The following LPP variants were observed in gnomAD, a reference collection of about 807,000 sequenced individuals.
The protein encoded by LPP is lipoma-preferred partner.
In LPP, 38 loss-of-function variants were observed where a neutral mutation model predicts 60.4. The ratio of observed to expected loss-of-function variants is 0.63; its 90% CI spans 0.49 to 0.83. The LOEUF is 0.83. Among genes scored for constraint, LPP ranks in the 40% least tolerant of loss-of-function variants. LPP has a pLI of 0.00. For missense variants in LPP, 902 were observed against 783.6 expected (o/e 1.15, Z -1.80); for synonymous variants, 328 against 290.8 (o/e 1.13, Z -1.30).
intron 9 of LPP, among the ~76,000 whole-genome samples, chr3:188,775,882 T>C (rs141939730): frequency 6.6e-6 from 1 of 152,368 alleles, no homozygotes; most frequent in East Asian, 1.9e-4. Flanking sequence ...TCTGAGTTCC[T>C]ATAAAGGGGA....
intron 9 of LPP, among the ~76,000 whole-genome samples, chr3:188,828,633 A>AAAAC (rs905010533): frequency 6.8e-6 from 1 of 147,976 alleles, no homozygotes; most frequent in Non-Finnish European, 1.5e-5. Flanking sequence ...AAAAAAAAAA[A>AAAAC]AAAAAAACTC....
chr3:188,798,164 T>C (rs894748582), intron 9 of LPP, among the ~76,000 whole-genome samples: 1 of 152,174 alleles, frequency 6.6e-6, no homozygotes, highest in African/African-American at 2.4e-5. Flanking sequence ...AATTTAATAG[T>C]GAATACTTAC....
At chr3:188,715,312 A>G (rs1228853655) in intron 8 of LPP, among the ~76,000 whole-genome samples, 1 of 127,722 alleles carries the variant, frequency 7.8e-6, no homozygotes, top group Non-Finnish European at 1.6e-5. Flanking sequence ...CAGGAGGCGG[A>G]GGTTACAGTG....
chr3:188,482,078 A>G (rs75271952), intron 4 of LPP, among the ~76,000 whole-genome samples: 16,302 of 152,028 alleles, frequency 0.11, 1,059 homozygotes, highest in South Asian at 0.14. Flanking sequence ...TGATGGTTTA[A>G]ACTTATATGG....
chr3:188,364,978 A>C (rs957375707), intron 3 of LPP, among the ~76,000 whole-genome samples: 1 of 152,228 alleles, frequency 6.6e-6, no homozygotes, highest in Non-Finnish European at 1.5e-5. Context: ...TAGGAATGAC[A>C]GAGGCAGCAA....
chr3:188,357,869 C>T (rs1340434545), intron 3 of LPP, among the ~76,000 whole-genome samples: 6 of 152,184 alleles, frequency 3.9e-5, no homozygotes, highest in African/African-American at 1.4e-4. Context: ...CCTCCTTTTA[C>T]TCCTTGCTAG....
chr3:188,738,007 T>C (rs1723112023), intron 8 of LPP, among the ~76,000 whole-genome samples: 1 of 152,218 alleles, frequency 6.6e-6, no homozygotes. Flanking sequence ...TTGGTTGTTA[T>C]AGCCATCTTC....
chr3:188,313,404 C>T (rs1169298740), intron 2 of LPP, among the ~76,000 whole-genome samples: 1 of 152,070 alleles, frequency 6.6e-6, no homozygotes, highest in African/African-American at 2.4e-5. Context: ...CTTCGGGTGG[C>T]TGAGGTGGGC....
chr3:188,198,108 C>G (rs529112976), intron 1 of LPP, among the ~76,000 whole-genome samples: 2 of 152,320 alleles, frequency 1.3e-5, no homozygotes, highest in African/African-American at 2.4e-5. Context: ...AGTCACTGTT[C>G]TAGCTGCTTT....
At chr3:188,595,461 G>C (rs1156530242) in intron 6 of LPP, among the ~76,000 whole-genome samples, 1 of 152,118 alleles carries the variant, frequency 6.6e-6, no homozygotes, top group African/African-American at 2.4e-5. Context: ...CCTTGATCTT[G>C]GGCTAGCCAC....
chr3:188,307,364 C>T (rs1180078030), intron 2 of LPP, among the ~76,000 whole-genome samples: 1 of 152,162 alleles, frequency 6.6e-6, no homozygotes, highest in East Asian at 1.9e-4. Flanking sequence ...CCCCCAAGCT[C>T]ATTAAATCAG....
intron 6 of LPP, among the ~76,000 whole-genome samples, chr3:188,526,006 G>C (rs1820481930): frequency 6.6e-6 from 1 of 152,140 alleles, no homozygotes; most frequent in South Asian, 2.1e-4. Flanking sequence ...GTCTTGAAAG[G>C]GTTGTGGCAA....
At chr3:188,209,273 G>C (rs975434919) in intron 1 of LPP, among the ~76,000 whole-genome samples, 1 of 152,032 alleles carries the variant, frequency 6.6e-6, no homozygotes, top group African/African-American at 2.4e-5. Context: ...CTACCTCCTG[G>C]GATAGTTGTT....
intron 1 of LPP, among the ~76,000 whole-genome samples, chr3:188,170,413 CT>C: frequency 6.7e-6 from 1 of 149,504 alleles, no homozygotes; most frequent in East Asian, 2.0e-4. Context: ...TGACTGCAAC[CT>C]CCGCCTCCCA....
intron 2 of LPP, among the ~76,000 whole-genome samples, chr3:188,239,690 G>C (rs2149433713): frequency 6.6e-6 from 1 of 152,276 alleles, no homozygotes; most frequent in East Asian, 1.9e-4. Flanking sequence ...AAAGCCATTG[G>C]CAGGTGGTGT....
chr3:188,685,983 C>T (rs1416548783), intron 7 of LPP, among the ~76,000 whole-genome samples: 1 of 152,154 alleles, frequency 6.6e-6, no homozygotes, highest in Non-Finnish European at 1.5e-5. Context: ...AGGCGCTTCC[C>T]TGGCCTAATG....
Position 188,262,965 on chromosome 3 carries a change from G to C in LPP, c.-67+37438G>C, listed in dbSNP as rs1245102232. Among the ~76,000 whole-genome samples, 3 of 152,132 alleles carry C rather than the reference G, an allele frequency of 2.0e-5. No homozygotes were observed. The South Asian group carries it at 6.2e-4, about 32-fold the overall frequency. ...GGCAGAGGGAGAAAAGGAAAAATACGTCAGCTCCAAAGAGTGCAGTTTTTT... is the reference window on the plus strand; with the variant it reads ...GGCAGAGGGAGAAAAGGAAAAATACCTCAGCTCCAAAGAGTGCAGTTTTTT... On this transcript the variant is annotated intron_variant, in intron 2 of 11. Transcript: ENST00000617246.
chr3:188,724,393 T>C (rs1327196606), intron 8 of LPP, among the ~76,000 whole-genome samples: 1 of 152,230 alleles, frequency 6.6e-6, no homozygotes, highest in African/African-American at 2.4e-5. Context: ...ATTCTGTTTT[T>C]TCCTCTACTT....
At chr3:188,700,902 C>CA (rs1238355554) in intron 7 of LPP, among the ~76,000 whole-genome samples, 2 of 151,414 alleles carry the variant, frequency 1.3e-5, no homozygotes, top group East Asian at 1.9e-4. Flanking sequence ...CAAATGGGCA[C>CA]AAAAAAATGA....
Sources: allele counts gnomAD v4.1 joint callset (sites outside exome capture counted in the v4.1 genomes callset), GRCh38; gene constraint gnomAD v4.1.1; transcripts MANE v1.5; gene names NCBI Gene and HGNC (gene_info 2026-07-23, HGNC 2026-07-21).